TMEM87A: variants seen among roughly 807,000 people sequenced by gnomAD.
The protein encoded by TMEM87A is transmembrane protein 87A.
Under a neutral mutation model 90.0 loss-of-function variants are expected in TMEM87A, and 50 were observed. The observed-to-expected ratio is 0.56, with a 90% CI of 0.44 to 0.70. The LOEUF is 0.70. TMEM87A is among the 30% of genes least tolerant of loss of function. The probability of loss-of-function intolerance (pLI) is 0.00; values close to 1 mark genes in which losing one functional copy is unlikely to be tolerated. For missense variants in TMEM87A, 577 were observed against 660.5 expected (o/e 0.87, Z 1.39); for synonymous variants, 226 against 226.7 (o/e 1.00, Z 0.03).
At chr15:42,264,775 G>C (rs188135323) in intron 3 of TMEM87A, among the ~76,000 whole-genome samples, 90 of 149,550 alleles carry the variant, frequency 6.0e-4, no homozygotes, top group African/African-American at 2.1e-3. Flanking sequence ...AACTCACAGG[G>C]AACTGTTTTA....
rs367797268 is a variant in TMEM87A, at chr15:42,244,160, T to C, written c.512A>G (p.His171Arg). The change falls in exon 7 of 20, where the codon CAT becomes CGT. Residue 171 changes from histidine (H) to arginine (R), a missense_variant. Physicochemically the swap from His to Arg is conservative, Grantham distance 29. Coordinates refer to ENST00000389834, the MANE Select transcript of TMEM87A (RefSeq NM_015497.5). Reference sequence around the variant, plus strand: ...ATCTTGCCAAGTTTGCAATGGTTCATGCATTGCCTAGAAAGGGAAAAGGGC... The same window carrying C: ...ATCTTGCCAAGTTTGCAATGGTTCACGCATTGCCTAGAAAGGGAAAAGGGC... ...LTFIGDKTAMHEPLQTWQDAP... is the reference protein window; with the variant it reads ...LTFIGDKTAMREPLQTWQDAP... 1.3e-6 allele frequency: 2 copies of C among 1,550,876 alleles called. No individual in the cohort carries two copies. Among genetic ancestry groups the C allele is most frequent in the Non-Finnish European group, 1.7e-6 (2 of 1,155,534 alleles).
intron 7 of TMEM87A, among the ~76,000 whole-genome samples, chr15:42,243,161 C>T (rs891259517): frequency 3.3e-5 from 5 of 151,752 alleles, no homozygotes; most frequent in Admixed American, 2.6e-4. Context: ...CCAGCTACTT[C>T]GGAGACTGAG....
chr15:42,262,042 T>C (rs2051304847), intron 4 of TMEM87A: 1 of 152,270 alleles, frequency 6.6e-6, no homozygotes, highest in African/African-American at 2.4e-5. Context: ...TATCAGTAGA[T>C]GAGGCATTGT....
At chr15:42,254,214 T>C (rs1035361074) in intron 6 of TMEM87A, among the ~76,000 whole-genome samples, 10 of 152,210 alleles carry the variant, frequency 6.6e-5, no homozygotes, top group African/African-American at 9.6e-5. Flanking sequence ...AATCCAGTTA[T>C]TGATGCTGTC....
At chr15:42,241,352 T>C (rs766515374) in intron 7 of TMEM87A, among the ~76,000 whole-genome samples, 3 of 152,182 alleles carry the variant, frequency 2.0e-5, no homozygotes, top group Non-Finnish European at 4.4e-5. Context: ...TCAGCCAGAC[T>C]AGAAGGATAA....
chr15:42,272,991 G>A, intron 1 of TMEM87A: 2 of 630,788 alleles, frequency 3.2e-6, no homozygotes, highest in Non-Finnish European at 5.8e-6. Flanking sequence ...GTCAGGCACT[G>A]AAAGTTCTGT....
chr15:42,227,590 A>C (rs2050618046), intron 14 of TMEM87A, 121 bp downstream of exon 14: 5 of 781,618 alleles, frequency 6.4e-6, no homozygotes, highest in Non-Finnish European at 8.4e-6. Context: ...CAACCCTCAG[A>C]GTAGAGACCT....
chr15:42,246,080 C>G (rs1239037557), intron 6 of TMEM87A, among the ~76,000 whole-genome samples: 2 of 152,210 alleles, frequency 1.3e-5, no homozygotes, highest in Non-Finnish European at 2.9e-5. Context: ...TCACCACTTG[C>G]AACTACTTAT....
chr15:42,221,413 A>G (rs1037093579), intron 15 of TMEM87A, among the ~76,000 whole-genome samples: 26 of 152,340 alleles, frequency 1.7e-4, no homozygotes, highest in African/African-American at 6.0e-4. Context: ...ACAAATTTAA[A>G]TCAGAAGTTA....
intron 17 of TMEM87A, 24 bp from the exon 18 acceptor site, chr15:42,218,402 A>T (rs752378147): frequency 3.1e-6 from 5 of 1,610,756 alleles, no homozygotes; most frequent in Non-Finnish European, 4.2e-6. Flanking sequence ...AATACCACTC[A>T]TTACTAAAAT....
intron 14 of TMEM87A, among the ~76,000 whole-genome samples, chr15:42,227,241 G>A (rs926854982): frequency 2.6e-5 from 4 of 152,132 alleles, no homozygotes; most frequent in Admixed American, 6.5e-5. Flanking sequence ...AGTTACATTA[G>A]GTTGGTATAC....
At chr15:42,226,415 A>G (rs952370766) in intron 15 of TMEM87A, among the ~76,000 whole-genome samples, 6 of 152,102 alleles carry the variant, frequency 3.9e-5, no homozygotes, top group Non-Finnish European at 7.4e-5. Flanking sequence ...TAGTGTAAAC[A>G]TAACTTTGAT....
At chr15:42,222,335 GCA>G (rs2050505516) in intron 15 of TMEM87A, among the ~76,000 whole-genome samples, 1 of 152,138 alleles carries the variant, frequency 6.6e-6, no homozygotes, top group Non-Finnish European at 1.5e-5. Flanking sequence ...GGGATTATAG[GCA>G]TGAACCACGG....
At chr15:42,225,334 GCT>G (rs1468029190) in intron 15 of TMEM87A, among the ~76,000 whole-genome samples, 4 of 151,876 alleles carry the variant, frequency 2.6e-5, no homozygotes, top group Non-Finnish European at 5.9e-5. Flanking sequence ...ACAAAATAAA[GCT>G]AGGCAGTTCC....
chr15:42,265,497 A>G (rs1013138001), intron 3 of TMEM87A, among the ~76,000 whole-genome samples: 1 of 150,814 alleles, frequency 6.6e-6, no homozygotes, highest in Admixed American at 6.6e-5. Flanking sequence ...TGTTGGCTGT[A>G]TATCTTCTTT....
chr15:42,248,690 T>C (rs1310234685), intron 6 of TMEM87A, among the ~76,000 whole-genome samples: 1 of 152,198 alleles, frequency 6.6e-6, no homozygotes, highest in Non-Finnish European at 1.5e-5. Context: ...TTTGCAAGTA[T>C]TTTATTGAGG....
intron 15 of TMEM87A, chr15:42,226,518 C>G (rs2050597180): frequency 2.7e-6 from 1 of 364,452 alleles, no homozygotes; most frequent in Admixed American, 4.3e-5. Flanking sequence ...CCATAGTATG[C>G]CTGTGTATTT....
At position 42,228,734 on chromosome 15, in the gene TMEM87A, G is replaced by A. The variant is rs1484868753; in HGVS notation, c.1218C>T (p.Asn406=). 5 of 1,612,466 alleles carry A rather than the reference G, an allele frequency of 3.1e-6. 1 individual carries two copies. In the South Asian group the frequency reaches 5.5e-5, roughly 18 times the overall value. ...TACCTGCCACTGCCAAAATAAGCGT[G>A]TTGGTGAAATGCCGATACAAAGAGA... The part of the protein sequence containing the change: ...VKLSLYRHFT[N]TLILAVAASI... Residue 406 remains asparagine, a synonymous_variant, in exon 13 of 20, where the codon AAC becomes AAT. Transcript: ENST00000389834.
chr15:42,260,101 A>G (rs1173849013), intron 6 of TMEM87A, among the ~76,000 whole-genome samples: 2 of 152,214 alleles, frequency 1.3e-5, no homozygotes, highest in Non-Finnish European at 2.9e-5. Flanking sequence ...GGCTAGGTGC[A>G]GTGGCTCACG....
Sources: gnomAD v4.1 joint callset for allele counts (sites outside exome capture counted in the v4.1 genomes callset) on GRCh38, gnomAD v4.1.1 for gene constraint, MANE v1.5 for transcripts, NCBI Gene and HGNC (gene_info 2026-07-23, HGNC 2026-07-21) for gene names.